Variants in CAST observed in about 807,000 individuals in gnomAD.
The protein encoded by CAST is calpastatin.
In CAST, 76 loss-of-function variants were observed where a neutral mutation model predicts 119.6. The ratio of observed to expected loss-of-function variants is 0.64; its 90% confidence interval spans 0.53 to 0.77. The LOEUF (loss-of-function observed/expected upper bound fraction) is 0.77, where lower values mean the gene tolerates loss of function less well. Ranked by LOEUF, CAST falls within the 30% of genes least tolerant of loss-of-function variation. The probability of loss-of-function intolerance (pLI) is 0.00; values close to 1 mark genes in which losing one functional copy is unlikely to be tolerated. For missense variants in CAST, 953 were observed against 946.5 expected, an observed-to-expected ratio of 1.01 and a Z score of -0.09; for synonymous variants, 319 against 331.6, an observed-to-expected ratio of 0.96 and a Z score of 0.41.
chr5:96,496,392 C>G, the CAST span, among the ~76,000 whole-genome samples: 1 of 152,152 alleles, frequency 6.6e-6, no homozygotes, highest in Admixed American at 6.5e-5. Context: ...TTTCTGGCCC[C>G]TCGGCTTCTA....
At chr5:96,577,008 A>C (rs149620330) in intron 1 of CAST, among the ~76,000 whole-genome samples, 1 of 152,178 alleles carries the variant, frequency 6.6e-6, no homozygotes, top group East Asian at 1.9e-4. Context: ...AACAGGCCCC[A>C]GTGTGTGTCG....
intron 1 of CAST, among the ~76,000 whole-genome samples, chr5:96,649,305 C>T (rs1031313743): frequency 2.0e-5 from 3 of 152,182 alleles, no homozygotes; most frequent in African/African-American, 7.2e-5. Flanking sequence ...TATACAGTCT[C>T]AACACAAACA....
At chr5:96,738,983 C>T (rs1762186870) in intron 11 of CAST, among the ~76,000 whole-genome samples, 1 of 148,158 alleles carries the variant, frequency 6.7e-6, no homozygotes, top group African/African-American at 2.5e-5. Flanking sequence ...AAAATATTTG[C>T]AACAGACATA....
the CAST span, among the ~76,000 whole-genome samples, chr5:96,199,092 G>A: frequency 6.6e-5 from 10 of 152,204 alleles, no homozygotes; most frequent in African/African-American, 2.4e-4. Context: ...TTATTCTCAT[G>A]GGTTATGTGA....
chr5:96,046,446 T>C, the CAST span, among the ~76,000 whole-genome samples: 3 of 152,138 alleles, frequency 2.0e-5, no homozygotes, highest in Non-Finnish European at 4.4e-5. Flanking sequence ...TTAATTAAAG[T>C]GCACTCCACA....
At chr5:96,239,158 T>A in the CAST span, among the ~76,000 whole-genome samples, 26 of 152,278 alleles carry the variant, frequency 1.7e-4, no homozygotes, top group East Asian at 3.5e-3. Context: ...TTAATTTTTT[T>A]AATTAATGGT....
At chr5:96,101,175 A>G in the CAST span, among the ~76,000 whole-genome samples, 14 of 152,176 alleles carry the variant, frequency 9.2e-5, no homozygotes, top group Non-Finnish European at 1.6e-4. Context: ...CCAAAGTGCT[A>G]GGATTACAGG....
chr5:96,575,489 A>G (rs1487519908), intron 1 of CAST, among the ~76,000 whole-genome samples: 7 of 152,054 alleles, frequency 4.6e-5, no homozygotes, highest in South Asian at 2.1e-4. Context: ...ATCTTGGGGG[A>G]AAAGCGTTTA....
At chr5:96,370,448 G>A in the CAST span, among the ~76,000 whole-genome samples, 170 of 152,218 alleles carry the variant, frequency 1.1e-3, 1 homozygote, top group African/African-American at 3.9e-3. Context: ...AGGACAATAT[G>A]CAATATGGAA....
At position 96,754,664 on chromosome 5, in the gene CAST, G is replaced by T. The variant is rs1421121437; in HGVS notation, c.1633G>T (p.Ala545Ser). ...KPVMDKVKEK[A>S]KEEDREKLGE... ...ATGGTATAATTTTTCTCAGGAGAAG[G>T]CCAAAGAAGAAGACCGTGAAAAGCT... The change falls in exon 22 of 32, where the codon GCC (alanine) becomes TCC (serine). Residue 545 changes from alanine (A) to serine (S), a missense_variant. Physicochemically the swap from Ala to Ser is moderately conservative, Grantham distance 99 (BLOSUM62 1). Coordinates refer to ENST00000675179, the MANE Select transcript of CAST (RefSeq NM_001750.7). 1.3e-6 allele frequency: 2 copies of T among 1,595,696 alleles called. No individual in the cohort carries two copies. The highest frequency in any genetic ancestry group is 8.6e-7 in the Non-Finnish European group (1 of 1,166,970).
chr5:96,092,089 G>A, the CAST span, among the ~76,000 whole-genome samples: 1 of 152,146 alleles, frequency 6.6e-6, no homozygotes, highest in Non-Finnish European at 1.5e-5. Context: ...GACTAATTTT[G>A]TGACACACTT....
the CAST span, among the ~76,000 whole-genome samples, chr5:96,508,509 G>C: frequency 6.6e-6 from 1 of 152,160 alleles, no homozygotes; most frequent in Non-Finnish European, 1.5e-5. Flanking sequence ...GAGACACCCA[G>C]TTGAATTTTG....
the CAST span, chr5:96,394,991 T>A: frequency 6.2e-7 from 1 of 1,613,994 alleles, no homozygotes; most frequent in Non-Finnish European, 8.5e-7. Context: ...CAGCTTCCAG[T>A]TCACAATTCT....
At chr5:96,116,353 G>A in the CAST span, among the ~76,000 whole-genome samples, 4 of 152,166 alleles carry the variant, frequency 2.6e-5, no homozygotes, top group African/African-American at 4.8e-5. Context: ...CTCACCAGTT[G>A]ATGGACATCT....
At chr5:96,319,768 A>C in the CAST span, among the ~76,000 whole-genome samples, 1 of 152,056 alleles carries the variant, frequency 6.6e-6, no homozygotes, top group Non-Finnish European at 1.5e-5. Flanking sequence ...TAGTTATTTG[A>C]GAAAGTCCAT....
chr5:96,100,159 C>T, the CAST span, among the ~76,000 whole-genome samples: 1 of 152,030 alleles, frequency 6.6e-6, no homozygotes, highest in African/African-American at 2.4e-5. Flanking sequence ...TTCCCAGGTA[C>T]CCTGCTGCAG....
intron 1 of CAST, among the ~76,000 whole-genome samples, chr5:96,578,969 C>T (rs1746723303): frequency 6.6e-6 from 1 of 152,178 alleles, no homozygotes; most frequent in African/African-American, 2.4e-5. Flanking sequence ...CCTGTTGCTA[C>T]TGGAGCGTCC....
the CAST span, among the ~76,000 whole-genome samples, chr5:96,092,039 T>C: frequency 6.0e-4 from 91 of 152,292 alleles, 2 homozygotes; most frequent in East Asian, 7.7e-3. Context: ...AAATGAGTGA[T>C]GAATGAATGA....
chr5:95,992,052 G>C, the CAST span, among the ~76,000 whole-genome samples: 1 of 152,142 alleles, frequency 6.6e-6, no homozygotes, highest in Non-Finnish European at 1.5e-5. Flanking sequence ...CTAACCTTCT[G>C]CAGGTAAGAA....
Sources: allele counts gnomAD v4.1 joint callset (sites outside exome capture counted in the v4.1 genomes callset), GRCh38; gene constraint gnomAD v4.1.1; transcripts MANE v1.5; gene names NCBI Gene and HGNC (gene_info 2026-07-23, HGNC 2026-07-21).